Variants in C7orf78 observed in about 807,000 individuals in gnomAD.
C7orf78 encodes chromosome 7 open reading frame 78.
chr7:12,512,822 A>G, the C7orf78 span, among the ~76,000 whole-genome samples: 5 of 152,104 alleles, frequency 3.3e-5, no homozygotes, highest in Non-Finnish European at 7.4e-5. Context: ...TTCTTTGCTG[A>G]GAGCCTTCTT....
the C7orf78 span, among the ~76,000 whole-genome samples, chr7:12,517,774 A>G: frequency 1.3e-5 from 2 of 151,948 alleles, no homozygotes; most frequent in African/African-American, 4.8e-5. Context: ...TTTCTCATTC[A>G]TATCCTGAAT....
the C7orf78 span, among the ~76,000 whole-genome samples, chr7:12,529,247 A>T: frequency 2.0e-5 from 3 of 152,160 alleles, no homozygotes; most frequent in South Asian, 6.2e-4. Context: ...TTATTTCTAG[A>T]TCTTGATAAA....
At chr7:12,529,943 C>A in the C7orf78 span, among the ~76,000 whole-genome samples, 638 of 152,270 alleles carry the variant, frequency 4.2e-3, 3 homozygotes, top group Non-Finnish European at 7.1e-3. Context: ...TAACTACATG[C>A]AAATTAAGGG....
the C7orf78 span, among the ~76,000 whole-genome samples, chr7:12,488,959 A>G: frequency 6.9e-6 from 1 of 145,314 alleles, no homozygotes; most frequent in Non-Finnish European, 1.5e-5. Flanking sequence ...GAGTTTCCGT[A>G]TATTTGACTA....
At chr7:12,541,926 T>A in the C7orf78 span, 1 of 152,196 alleles carries the variant, frequency 6.6e-6, no homozygotes, top group Non-Finnish European at 1.5e-5. Flanking sequence ...CTTGGAGAAT[T>A]TATAGTTCCA....
chr7:12,515,567 A>G, the C7orf78 span, among the ~76,000 whole-genome samples: 2 of 152,310 alleles, frequency 1.3e-5, no homozygotes, highest in Admixed American at 1.3e-4. Context: ...TAACAGGCAG[A>G]GGCTGGAACG....
the C7orf78 span, among the ~76,000 whole-genome samples, chr7:12,539,463 C>T: frequency 2.7e-4 from 41 of 151,822 alleles, no homozygotes; most frequent in Middle Eastern, 6.8e-3. Flanking sequence ...GACTCTGTCT[C>T]AAAAAACAAA....
chr7:12,487,791 A>T, the C7orf78 span, among the ~76,000 whole-genome samples: 2 of 152,082 alleles, frequency 1.3e-5, no homozygotes, highest in African/African-American at 4.8e-5. Context: ...TGACCTATAA[A>T]GTACTTAGCC....
the C7orf78 span, among the ~76,000 whole-genome samples, chr7:12,531,937 T>C: frequency 6.6e-6 from 1 of 152,118 alleles, no homozygotes; most frequent in Non-Finnish European, 1.5e-5. Context: ...GGAGGCGGTG[T>C]CTGATTTACA....
chr7:12,531,229 G>C, the C7orf78 span: 2 of 392,872 alleles, frequency 5.1e-6, no homozygotes, highest in East Asian at 7.2e-5. Context: ...TGAAATAGTT[G>C]CATGGTGCTT....
At chr7:12,510,540 A>C in the C7orf78 span, among the ~76,000 whole-genome samples, 27 of 152,276 alleles carry the variant, frequency 1.8e-4, no homozygotes, top group Middle Eastern at 6.8e-3. Context: ...CAGTGTATAC[A>C]TAGTTTCCTT....
the C7orf78 span, among the ~76,000 whole-genome samples, chr7:12,518,428 T>C: frequency 6.6e-6 from 1 of 152,034 alleles, no homozygotes; most frequent in East Asian, 1.9e-4. Context: ...GCAGACAGCA[T>C]GGTGTGGGCC....
the C7orf78 span, among the ~76,000 whole-genome samples, chr7:12,504,088 C>T: frequency 6.6e-5 from 10 of 152,268 alleles, no homozygotes; most frequent in African/African-American, 2.4e-4. Flanking sequence ...GTGAAAACTG[C>T]CTCTCAGAAT....
the C7orf78 span, among the ~76,000 whole-genome samples, chr7:12,540,285 G>A: frequency 8.5e-5 from 13 of 152,100 alleles, no homozygotes; most frequent in African/African-American, 3.1e-4. Flanking sequence ...CACCTAAGTG[G>A]GAAGCCTCAT....
chr7:12,516,156 C>A, the C7orf78 span, among the ~76,000 whole-genome samples: 1 of 152,142 alleles, frequency 6.6e-6, no homozygotes, highest in Non-Finnish European at 1.5e-5. Flanking sequence ...TGGGCCAGGC[C>A]CAGGGTCTCT....
At chr7:12,495,459 A>T in the C7orf78 span, among the ~76,000 whole-genome samples, 1 of 152,174 alleles carries the variant, frequency 6.6e-6, no homozygotes, top group African/African-American at 2.4e-5. Context: ...TATGAACCTG[A>T]ATTTATGTAA....
chr7:12,495,158 G>A, the C7orf78 span, among the ~76,000 whole-genome samples: 3 of 152,098 alleles, frequency 2.0e-5, no homozygotes, highest in Non-Finnish European at 2.9e-5. Flanking sequence ...ATTCATCCGG[G>A]GGATATTAAA....
the C7orf78 span, among the ~76,000 whole-genome samples, chr7:12,495,667 T>C: frequency 1.1e-4 from 16 of 152,218 alleles, no homozygotes; most frequent in Admixed American, 4.6e-4. Flanking sequence ...ATTTTCTTTT[T>C]CGGAACACTA....
At chr7:12,484,175 A>T in the C7orf78 span, among the ~76,000 whole-genome samples, 1 of 152,206 alleles carries the variant, frequency 6.6e-6, no homozygotes, top group Non-Finnish European at 1.5e-5. Flanking sequence ...TGTTTTTCAA[A>T]TTGGGCTAAG....
Sources: gnomAD v4.1 joint callset for allele counts (sites outside exome capture counted in the v4.1 genomes callset) on GRCh38, gnomAD v4.1.1 for gene constraint, MANE v1.5 for transcripts, NCBI Gene and HGNC (gene_info 2026-07-23, HGNC 2026-07-21) for gene names.